EIF3B: variants seen among roughly 807,000 people sequenced by gnomAD.
The protein encoded by EIF3B is eukaryotic translation initiation factor 3 subunit 9.
Under a neutral mutation model 104.6 loss-of-function variants are expected in EIF3B, and 10 were observed. That is an observed-to-expected ratio of 0.10 (90% CI 0.06 to 0.16). The LOEUF (loss-of-function observed/expected upper bound fraction) is 0.16. Ranked by LOEUF, EIF3B falls within the 10% of genes least tolerant of loss-of-function variation. The pLI is 1.00. For missense variants in EIF3B, 1,014 were observed against 1,087.9 expected (o/e 0.93, Z 0.96); for synonymous variants, 542 against 417.2 (o/e 1.30, Z -3.65).
At chr7:2,379,329 A>G in intron 17 of EIF3B, 65 bp from the exon 18 acceptor site, 1 of 1,553,618 alleles carries the variant, frequency 6.4e-7, no homozygotes, top group Non-Finnish European at 8.8e-7. Flanking sequence ...GTTCCTTCCC[A>G]CTGGCCTCGG....
intron 10 of EIF3B, among the ~76,000 whole-genome samples, chr7:2,371,070 A>T (rs892156230): frequency 6.6e-6 from 1 of 152,202 alleles, no homozygotes; most frequent in Non-Finnish European, 1.5e-5. Flanking sequence ...CTCAAAAATA[A>T]ATAAATAAAT....
chr7:2,362,169 G>A (rs542587059), intron 2 of EIF3B, among the ~76,000 whole-genome samples: 6 of 151,938 alleles, frequency 3.9e-5, no homozygotes, highest in South Asian at 4.2e-4. Context: ...CATGTTGGCC[G>A]GGCTGGTCTC....
intron 2 of EIF3B, among the ~76,000 whole-genome samples, chr7:2,361,427 TTC>T (rs1163197270): frequency 1.3e-5 from 2 of 152,212 alleles, no homozygotes; most frequent in Non-Finnish European, 2.9e-5. Context: ...CTTTCTTTCT[TTC>T]TTTTTTTTGA....
In EIF3B at chr7:2,379,464, T is replaced by C; in HGVS notation, c.2412T>C (p.Thr804=). ...AGGAGACCATTGAGTTCTTCGTCAC[T>C]GAAGAAATCATTCCCCTCGGGAATC... is the stretch of plus-strand genomic sequence containing the variant. ...WEEETIEFFV[T]EEIIPLGNQE Residue 804 remains threonine, a synonymous_variant, in exon 18 of 19, where the codon ACT becomes ACC. Transcript: ENST00000360876. The C allele has an allele frequency of 6.3e-7, 1 of 1,586,458 alleles. No homozygotes were observed. Among genetic ancestry groups the C allele is most frequent in the Non-Finnish European group, 8.6e-7 (1 of 1,166,044 alleles).
intron 6 of EIF3B, 115 bp downstream of exon 6, chr7:2,364,644 C>A: frequency 1.0e-6 from 1 of 965,086 alleles, no homozygotes; most frequent in Non-Finnish European, 1.6e-6. Context: ...CGGGAGTATG[C>A]AGAACGCTAA....
rs758878193 is a variant in EIF3B, at chr7:2,360,691, A to G, written c.500-19A>G. ...TTTTCTTGGTAAAAATGATCATTTG[A>G]AAAATCTCTCTTGTTCAGAATTACT... On this transcript the variant is annotated intron_variant, in intron 1 of 18. Transcript: ENST00000360876. 1 of 1,560,176 alleles carries G rather than the reference A, an allele frequency of 6.4e-7. No individual in the cohort carries two copies. Among genetic ancestry groups the G allele is most frequent in the South Asian group, 1.2e-5 (1 of 85,610 alleles).
At chr7:2,377,935 A>T (rs13236950) in intron 15 of EIF3B, 15 of 31,646 alleles carry the variant, frequency 4.7e-4, no homozygotes, top group African/African-American at 1.8e-3. Flanking sequence ...AGGCGCGAGC[A>T]CTGCTGGGAT....
In EIF3B at chr7:2,354,899, T is replaced by G. The variant is rs1289850504; in HGVS notation, c.-23T>G. The G allele has an allele frequency of 1.7e-6, 2 of 1,176,314 alleles. No individual in the cohort carries two copies. The highest frequency in any genetic ancestry group is 4.3e-5 in the East Asian group (1 of 23,266). The allele number at this position is 1,176,314 out of a possible 1,614,324, so 72.9% of individuals were successfully genotyped here. ...CGGAAGCGCGGCGGCCGCGGAGCCC[T>G]GCGAGTAGGCAGCGTTGGGCCCATG... On this transcript the variant is annotated 5_prime_UTR_variant, in exon 1 of 19. Transcript: ENST00000360876.
intron 1 of EIF3B, among the ~76,000 whole-genome samples, chr7:2,358,060 A>C (rs1383031040): frequency 2.0e-5 from 3 of 152,192 alleles, no homozygotes; most frequent in East Asian, 1.9e-4. Flanking sequence ...CGTTGAAAAT[A>C]AAACGGCGAT....
At chr7:2,356,474 C>T (rs1181593713) in intron 1 of EIF3B, among the ~76,000 whole-genome samples, 1 of 151,828 alleles carries the variant, frequency 6.6e-6, no homozygotes, top group Non-Finnish European at 1.5e-5. Flanking sequence ...TGGTGGCGGG[C>T]ACCTGGATTT....
At position 2,363,605 on chromosome 7, in the gene EIF3B, G is replaced by T. The variant is rs145332460; in HGVS notation, c.871-27G>T. On this transcript the variant is annotated intron_variant, in intron 4 of 18. Coordinates refer to ENST00000360876, the MANE Select transcript of EIF3B (RefSeq NM_001037283.2). The stretch of plus-strand genomic sequence containing the variant: ...AGTTTTTTATTAAAATTAATGAAAT[G>T]TTATATTCCTTGTCTTTGTTTTTAA... 8.3e-4 allele frequency: 1,308 copies of T among 1,584,906 alleles called. 13 individuals carry two copies. The African/African-American group carries it at 0.014, about 17-fold the overall frequency.
chr7:2,379,904 G>A (rs1490141811), intron 18 of EIF3B: 3 of 262,032 alleles, frequency 1.1e-5, no homozygotes, highest in African/African-American at 6.8e-5. Flanking sequence ...TCTGAGACAA[G>A]AGCCTTCCAA....
At chr7:2,379,081 A>T in intron 16 of EIF3B, 53 bp from the exon 17 acceptor site, 1 of 1,530,336 alleles carries the variant, frequency 6.5e-7, no homozygotes. Context: ...GCTCTTCGCG[A>T]TGGGGAGGCA....
chr7:2,379,063 G>C, intron 16 of EIF3B, 71 bp from the exon 17 acceptor site: 2 of 1,338,222 alleles, frequency 1.5e-6, no homozygotes, highest in Middle Eastern at 2.0e-4. Context: ...CCGTCCGCCT[G>C]GGTGTGGGCT....
chr7:2,356,892 G>T (rs1323602908), intron 1 of EIF3B, among the ~76,000 whole-genome samples: 1 of 152,010 alleles, frequency 6.6e-6, no homozygotes, highest in Non-Finnish European at 1.5e-5. Context: ...ATGAAAAGCA[G>T]GAAGGACACC....
At chr7:2,367,825 A>ATTTTTTTTTTTTTTTTTTTTTTTTTTTT (rs71026506) in intron 9 of EIF3B, among the ~76,000 whole-genome samples, 2 of 60,296 alleles carry the variant, frequency 3.3e-5, no homozygotes, top group African/African-American at 8.6e-5. Context: ...TTTTTTTAAA[A>ATTTTTTTTTTTTTTTTTTTTTTTTTTTT]TTTTTTTTTT....
chr7:2,372,736 C>G lies in EIF3B; in HGVS notation c.1751C>G (p.Ala584Gly). 1.2e-6 allele frequency: 2 copies of G among 1,614,150 alleles called. No homozygotes were observed. Among genetic ancestry groups the G allele is most frequent in the Non-Finnish European group, 1.7e-6 (2 of 1,180,006 alleles). ...AAGTTTGCTGTGCTGCACGGAGAGG[C>G]TCCGCGGATATCTGTGTCTTTCTAC... The part of the protein sequence containing the change: ...GSKFAVLHGE[A>G]PRISVSFYHV... Residue 584 changes from alanine to glycine, a missense_variant, in exon 12 of 19, where the codon GCT (alanine) becomes GGT (glycine). By Grantham distance (60) the Ala-to-Gly change is moderately conservative (BLOSUM62 0). Coordinates refer to ENST00000360876, the MANE Select transcript of EIF3B (RefSeq NM_001037283.2).
chr7:2,360,557 C>T (rs541640808), intron 1 of EIF3B, among the ~76,000 whole-genome samples, 153 bp from the exon 2 acceptor site: 14 of 152,324 alleles, frequency 9.2e-5, no homozygotes, highest in African/African-American at 2.9e-4. Flanking sequence ...TGTTTAAAAT[C>T]TGAAACAAGC....
At position 2,375,465 on chromosome 7, in the gene EIF3B, G is replaced by A. The variant is rs1028013325; in HGVS notation, c.1966G>A (p.Asp656Asn). 2 of 1,614,210 alleles carry A rather than the reference G, an allele frequency of 1.2e-6. No individual in the cohort carries two copies. Among genetic ancestry groups the A allele is most frequent in the Non-Finnish European group, 1.7e-6 (2 of 1,180,030 alleles). Residue 656 changes from aspartate to asparagine, a missense_variant, in exon 14 of 19, where the codon GAC (aspartate) becomes AAC (asparagine). By Grantham distance (23) the Asp-to-Asn change is conservative. Coordinates refer to ENST00000360876, the MANE Select transcript of EIF3B (RefSeq NM_001037283.2). ...MNIAEHYMAS[D>N]VEWDPTGRYV... The stretch of plus-strand genomic sequence containing the variant: ...CATCGCAGAGCACTACATGGCTTCC[G>A]ACGTCGAATGGGATCCTACTGGGCG...
Sources: gnomAD v4.1 joint callset for allele counts (sites outside exome capture counted in the v4.1 genomes callset) on GRCh38, gnomAD v4.1.1 for gene constraint, MANE v1.5 for transcripts, NCBI Gene and HGNC (gene_info 2026-07-23, HGNC 2026-07-21) for gene names.